TSHZ2: variants seen among roughly 807,000 people sequenced by gnomAD.
TSHZ2 encodes teashirt zinc finger homeobox 2.
TSHZ2 carries 21 observed loss-of-function variants against 74.4 expected under a neutral mutation model. The ratio of observed to expected loss-of-function variants is 0.28; its 90% CI spans 0.20 to 0.41. The LOEUF (loss-of-function observed/expected upper bound fraction) is 0.41. Ranked by LOEUF, TSHZ2 falls within the 10% of genes least tolerant of loss-of-function variation. The pLI, the probability that TSHZ2 is intolerant of heterozygous loss-of-function variation, is 1.00. For synonymous variants in TSHZ2, 540 were observed against 515.3 expected, an observed-to-expected ratio of 1.05 and a Z score of -0.65; for missense variants, 1,244 against 1,293.5, an observed-to-expected ratio of 0.96 and a Z score of 0.59.
intron 2 of TSHZ2, among the ~76,000 whole-genome samples, chr20:53,362,834 T>C (rs1359641851): frequency 6.6e-6 from 1 of 152,198 alleles, no homozygotes; most frequent in African/African-American, 2.4e-5. Flanking sequence ...AATAAGGGAT[T>C]TCAGGTGTGG....
At chr20:53,322,804 G>T (rs967244192) in intron 2 of TSHZ2, among the ~76,000 whole-genome samples, 3 of 152,184 alleles carry the variant, frequency 2.0e-5, no homozygotes, top group Admixed American at 6.5e-5. Context: ...AAACACCCAC[G>T]TAAAACGCTA....
At chr20:53,469,424 G>A (rs1393701696) in intron 2 of TSHZ2, among the ~76,000 whole-genome samples, 1 of 151,768 alleles carries the variant, frequency 6.6e-6, no homozygotes, top group African/African-American at 2.4e-5. Context: ...CACGCCTGTA[G>A]TCCCAGCTAC....
At chr20:53,177,436 T>C (rs1041102053) in intron 1 of TSHZ2, among the ~76,000 whole-genome samples, 9 of 151,904 alleles carry the variant, frequency 5.9e-5, no homozygotes, top group Non-Finnish European at 1.0e-4. Context: ...ATTCAGCAGA[T>C]CTGTGCCGAG....
chr20:53,328,879 G>A (rs935078438), intron 2 of TSHZ2, among the ~76,000 whole-genome samples: 10 of 152,152 alleles, frequency 6.6e-5, no homozygotes, highest in Admixed American at 6.5e-5. Context: ...CCATAACCCT[G>A]GCCTGCTTGA....
intron 1 of TSHZ2, among the ~76,000 whole-genome samples, chr20:53,207,761 T>C (rs73620428): frequency 6.6e-6 from 1 of 151,958 alleles, no homozygotes; most frequent in Admixed American, 6.6e-5. Context: ...ACTGCAGCCC[T>C]GGGCTCCTGG....
At chr20:53,237,458 T>C (rs575035883) in intron 1 of TSHZ2, among the ~76,000 whole-genome samples, 3 of 152,206 alleles carry the variant, frequency 2.0e-5, no homozygotes, top group Non-Finnish European at 2.9e-5. Context: ...AAGATGATAT[T>C]GACCATACAT....
chr20:53,060,578 A>G (rs774974388), intron 1 of TSHZ2, among the ~76,000 whole-genome samples: 4 of 152,260 alleles, frequency 2.6e-5, no homozygotes, highest in Non-Finnish European at 4.4e-5. Context: ...TAGAATTTCC[A>G]TCACTCAGAA....
rs989947646 is a variant in TSHZ2, at chr20:53,279,880, T to C, written c.*8+23309T>C. ...TATGAAGGACTGAGGGAGCCACAAATGAGAAGAAGAGGATTTCAGACAGGG... is the reference window on the plus strand; with the variant it reads ...TATGAAGGACTGAGGGAGCCACAAACGAGAAGAAGAGGATTTCAGACAGGG... On this transcript the variant is annotated intron_variant, in intron 2 of 2. Transcript: ENST00000371497. Among the ~76,000 whole-genome samples the C allele has an allele frequency of 5.3e-5, 8 of 152,156 alleles. No individual in the cohort carries two copies. In the East Asian group the frequency reaches 9.7e-4, roughly 18 times the overall value.
chr20:53,089,320 CTTTTTT>C (rs5841928), intron 1 of TSHZ2, among the ~76,000 whole-genome samples: 3 of 100,022 alleles, frequency 3.0e-5, no homozygotes, highest in South Asian at 7.4e-4. Flanking sequence ...ATGGGATTTT[CTTTTTT>C]TTTTTTTTTT....
chr20:53,253,611 C>CGAG lies in TSHZ2; in HGVS notation c.157_159dup (p.Glu53dup). The CGAG allele has an allele frequency of 6.2e-7, 1 of 1,614,046 alleles. No homozygotes were observed. Among genetic ancestry groups the CGAG allele is most frequent in the Non-Finnish European group, 8.5e-7 (1 of 1,180,018 alleles). ...AGGGTGGCAATGACACAGGGACGGA[C>CGAG]GAGGAGCTAGAAACGGGCCCAGAGC... On this transcript the variant is annotated inframe_insertion, in exon 2 of 3. Transcript: ENST00000371497.
At chr20:53,070,642 GTGTGTGTGTATGAATGTGTGTGTA>G (rs1368852966) in intron 1 of TSHZ2, among the ~76,000 whole-genome samples, 3 of 152,140 alleles carry the variant, frequency 2.0e-5, no homozygotes, top group Non-Finnish European at 4.4e-5. Flanking sequence ...ATACAGTGAT[GTGTGTGTGTATGAATGTGTGTGTA>G]TGTGTGTGTG....
intron 2 of TSHZ2, among the ~76,000 whole-genome samples, chr20:53,312,437 C>T (rs998540988): frequency 6.6e-6 from 1 of 152,174 alleles, no homozygotes; most frequent in Non-Finnish European, 1.5e-5. Flanking sequence ...GTTCCCTTAT[C>T]TTTCCTTCCC....
chr20:53,197,832 C>T (rs1327359687), intron 1 of TSHZ2, among the ~76,000 whole-genome samples: 1 of 152,038 alleles, frequency 6.6e-6, no homozygotes, highest in Admixed American at 6.6e-5. Flanking sequence ...TTTTCCAGCA[C>T]CAAGGGAGGA....
intron 1 of TSHZ2, among the ~76,000 whole-genome samples, chr20:53,148,341 C>A (rs1444319336): frequency 6.6e-6 from 1 of 152,140 alleles, no homozygotes; most frequent in African/African-American, 2.4e-5. Flanking sequence ...TAGCATCTAG[C>A]GTGTAGAGGC....
At chr20:52,989,604 G>A (rs921644584) in intron 1 of TSHZ2, among the ~76,000 whole-genome samples, 4 of 152,162 alleles carry the variant, frequency 2.6e-5, no homozygotes, top group Non-Finnish European at 4.4e-5. Context: ...GCACTATTAT[G>A]AGAAGTTAAA....
chr20:53,004,375 G>A (rs563435558), intron 1 of TSHZ2, among the ~76,000 whole-genome samples: 2 of 152,250 alleles, frequency 1.3e-5, no homozygotes, highest in South Asian at 2.1e-4. Flanking sequence ...AGCTGAAATC[G>A]GTCAAGCTTC....
chr20:53,202,731 C>A (rs987784574), intron 1 of TSHZ2, among the ~76,000 whole-genome samples: 1 of 152,126 alleles, frequency 6.6e-6, no homozygotes, highest in African/African-American at 2.4e-5. Context: ...TTCTAGGCTG[C>A]CTGGGGTGCC....
intron 1 of TSHZ2, among the ~76,000 whole-genome samples, chr20:53,088,611 A>G (rs570654823): frequency 6.6e-6 from 1 of 152,322 alleles, no homozygotes; most frequent in African/African-American, 2.4e-5. Flanking sequence ...CTAAATTCAT[A>G]TTTTTTTGAA....
intron 1 of TSHZ2, among the ~76,000 whole-genome samples, chr20:53,182,848 A>G (rs538839008): frequency 3.6e-4 from 55 of 152,314 alleles, no homozygotes; most frequent in Admixed American, 7.8e-4. Flanking sequence ...CAATGTTCTA[A>G]TAACCCCAAA....
Sources: allele counts gnomAD v4.1 joint callset (sites outside exome capture counted in the v4.1 genomes callset), GRCh38; gene constraint gnomAD v4.1.1; transcripts MANE v1.5; gene names NCBI Gene and HGNC (gene_info 2026-07-23, HGNC 2026-07-21).